ZNF780B: variants seen among roughly 807,000 people sequenced by gnomAD.
ZNF780B encodes zinc finger protein 780B.
In ZNF780B, 52 loss-of-function variants were observed where a neutral mutation model predicts 74.1. The observed-to-expected ratio is 0.70, with a 90% CI of 0.56 to 0.88. The LOEUF (loss-of-function observed/expected upper bound fraction) is 0.88, where lower values mean the gene tolerates loss of function less well. ZNF780B is among the 40% of genes least tolerant of loss of function. The pLI is 0.00. For missense variants in ZNF780B, 953 were observed against 1,007.6 expected (o/e 0.95, Z 0.73); for synonymous variants, 315 against 324.3 (o/e 0.97, Z 0.31).
In ZNF780B at chr19:40,048,708, T is replaced by G; in HGVS notation, c.98A>C (p.Asp33Ala). 7 of 1,614,138 alleles carry G rather than the reference T, an allele frequency of 4.3e-6. No homozygotes were observed. Among genetic ancestry groups the G allele is most frequent in the Non-Finnish European group, 5.9e-6 (7 of 1,180,028 alleles). The change falls in exon 3 of 5, where the codon GAT becomes GCT. Residue 33 changes from aspartate (D) to alanine (A), a missense_variant. Physicochemically the swap from Asp to Ala is moderately radical, Grantham distance 126. Coordinates refer to ENST00000434248, the MANE Select transcript of ZNF780B (RefSeq NM_001005851.3). ...GTGGCTGTAGTTCTCCAACATCACA[T>G]CCCTGTACAAGGTCCTCTGATCAGG... is the stretch of plus-strand genomic sequence containing the variant. ...LQPDQRTLYR[D>A]VMLENYSHLI...
rs1231315691 is a variant in ZNF780B, at chr19:40,032,395, C to G, written c.*1962G>C. ...TAAAGAGAGATAACCAAATGCAATG[C>G]AGAATCTGCAATGGACTCTCCTTAG... is the stretch of plus-strand genomic sequence containing the variant. On this transcript the variant is annotated 3_prime_UTR_variant, in exon 5 of 5. Coordinates refer to ENST00000434248, the MANE Select transcript of ZNF780B (RefSeq NM_001005851.3). The G allele has an allele frequency of 2.5e-6, 1 of 395,394 alleles. No homozygotes were observed. Among genetic ancestry groups the G allele is most frequent in the African/African-American group, 2.1e-5 (1 of 47,448 alleles). 24.5% of individuals were successfully genotyped at this position (395,394 alleles called of 1,614,324 possible).
chr19:40,044,633 T>C (rs1336420291), intron 4 of ZNF780B, among the ~76,000 whole-genome samples: 1 of 152,158 alleles, frequency 6.6e-6, no homozygotes, highest in African/African-American at 2.4e-5. Flanking sequence ...GTCCTACACC[T>C]AGAAGTGAAA....
Position 40,034,847 on chromosome 19 carries a change from C to A in ZNF780B, c.2012G>T (p.Cys671Phe). The change falls in exon 5 of 5, where the codon TGT becomes TTT. Residue 671 changes from cysteine (C) to phenylalanine (F), a missense_variant. Cys to Phe is a radical substitution (Grantham distance 205, BLOSUM62 -2). Transcript: ENST00000434248. ...ACTAAAGCCTTTCCCACACTCCTTA[C>A]ATTCATATGGTTTTACACCAGCATG... is the stretch of plus-strand genomic sequence containing the variant. The part of the protein sequence containing the change: ...SIHAGVKPYE[C>F]KECGKGFSRV... The A allele has an allele frequency of 1.2e-6, 2 of 1,614,122 alleles. No individual in the cohort carries two copies. The highest frequency in any genetic ancestry group is 1.7e-6 in the Non-Finnish European group (2 of 1,179,988).
At chr19:40,050,473 T>C (rs1403973132) in intron 1 of ZNF780B, 96 bp from the exon 2 acceptor site, 1 of 1,232,330 alleles carries the variant, frequency 8.1e-7, no homozygotes, top group African/African-American at 1.5e-5. Flanking sequence ...ATTTCTCAAC[T>C]ACTCCTGCTC....
intron 3 of ZNF780B, 75 bp downstream of exon 3, chr19:40,048,595 G>A (rs1364025780): frequency 1.9e-6 from 3 of 1,606,656 alleles, no homozygotes; most frequent in African/African-American, 2.7e-5. Flanking sequence ...TTAAAAGACA[G>A]CCCTGAAACT....
chr19:40,044,261 G>A (rs576681039), intron 4 of ZNF780B, among the ~76,000 whole-genome samples: 1 of 152,194 alleles, frequency 6.6e-6, no homozygotes, highest in East Asian at 1.9e-4. Context: ...AAGAGATGCA[G>A]ACATCTTGAT....
chr19:40,031,115 T>C lies in ZNF780B; in HGVS notation c.*3242A>G, dbSNP rs1971983571. ...AAAAGAAGAAAGCTATCAATATAAA[T>C]TATCACTTTATAGATTTTTCAACAC... is the stretch of plus-strand genomic sequence containing the variant. On this transcript the variant is annotated 3_prime_UTR_variant, in exon 5 of 5. Transcript: ENST00000434248. 1 of 152,216 alleles carries C rather than the reference T, an allele frequency of 6.6e-6. No individual in the cohort carries two copies. Among genetic ancestry groups the C allele is most frequent in the Non-Finnish European group, 1.5e-5 (1 of 68,032 alleles). The allele number at this position is 152,216 out of a possible 1,614,324, so 9.4% of individuals were successfully genotyped here. A position where few individuals can be genotyped will look rare whatever the true frequency, so the allele number is the denominator to read the frequency against.
chr19:40,035,826 G>C lies in ZNF780B; in HGVS notation c.1033C>G (p.Leu345Val). 6.2e-7 allele frequency: 1 copy of C among 1,614,048 alleles called. No homozygotes were observed. ...CKECRKAFTL[L>V]TKLVRHQKIH... ...TTCTGATGTCGAACAAGCTTTGTCA[G>C]AAGAGTAAAGGCCTTTCTGCATTCT... The change falls in exon 5 of 5, where the codon CTG (leucine) becomes GTG (valine). Residue 345 changes from leucine to valine, a missense_variant. Physicochemically the swap from Leu to Val is conservative, Grantham distance 32. Coordinates refer to ENST00000434248, the MANE Select transcript of ZNF780B (RefSeq NM_001005851.3).
chr19:40,047,137 T>C, intron 4 of ZNF780B: 1 of 426,418 alleles, frequency 2.3e-6, no homozygotes, highest in Non-Finnish European at 4.3e-6. Context: ...GCTCACTTCA[T>C]TAAAAGAGGA....
chr19:40,037,297 T>C (rs971463749), intron 4 of ZNF780B, among the ~76,000 whole-genome samples: 1 of 151,866 alleles, frequency 6.6e-6, no homozygotes, highest in Non-Finnish European at 1.5e-5. Flanking sequence ...CACAGCTCAC[T>C]GCAGCCTCAA....
rs371975083 is a variant in ZNF780B at position 40,034,940 on chromosome 19, G to C, written c.1919C>G (p.Pro640Arg). Residue 640 changes from proline (P) to arginine (R), a missense_variant, in exon 5 of 5, where the codon CCA becomes CGA. By Grantham distance (103) the Pro-to-Arg change is moderately radical (BLOSUM62 -2). Coordinates refer to ENST00000434248, the MANE Select transcript of ZNF780B (RefSeq NM_001005851.3). ...HHKNIHTGEK[P>R]FKCKECGKSF... ...CTTCCCACATTCTTTACATTTAAAT[G>C]GCTTCTCACCTGTGTGAATGTTCTT... The C allele has an allele frequency of 1.2e-6, 2 of 1,613,922 alleles. No homozygotes were observed. Among genetic ancestry groups the C allele is most frequent in the African/African-American group, 2.7e-5 (2 of 74,878 alleles).
In ZNF780B at chr19:40,039,711, G is replaced by C. The variant is rs998493557; in HGVS notation, c.233-3085C>G. Reference sequence around the variant, plus strand: ...TTCACTCATAATTTGGCTCTCTGTTGGTCTGTTATTGGTGTATAAGAATGC... The same window carrying C: ...TTCACTCATAATTTGGCTCTCTGTTCGTCTGTTATTGGTGTATAAGAATGC... On this transcript the variant is annotated intron_variant, in intron 4 of 4. Coordinates refer to ENST00000434248, the MANE Select transcript of ZNF780B (RefSeq NM_001005851.3). 2.0e-5 allele frequency among the ~76,000 whole-genome samples: 3 copies of C among 152,084 alleles called. No homozygotes were observed. In the East Asian group the frequency reaches 5.8e-4, roughly 29 times the overall value.
intron 1 of ZNF780B, among the ~76,000 whole-genome samples, chr19:40,052,479 A>G (rs1973277742): frequency 6.6e-6 from 1 of 152,196 alleles, no homozygotes. Flanking sequence ...TAGTACTTCA[A>G]TACATTATTT....
chr19:40,029,478 T>C lies in ZNF780B; in HGVS notation c.*4879A>G, dbSNP rs1033307003. On this transcript the variant is annotated 3_prime_UTR_variant, in exon 5 of 5. Transcript: ENST00000434248. The stretch of plus-strand genomic sequence containing the variant: ...GCTATCACCATACATAAAACATAAT[T>C]CAATAAAATACCAAATGCAAACAAG... 6.5e-6 allele frequency: 1 copy of C among 154,750 alleles called. No individual in the cohort carries two copies. Among genetic ancestry groups the C allele is most frequent in the Non-Finnish European group, 1.5e-5 (1 of 68,202 alleles). The allele number at this position is 154,750 out of a possible 1,614,324, so 9.6% of individuals were successfully genotyped here. A position where few individuals can be genotyped will look rare whatever the true frequency, so the allele number is the denominator to read the frequency against.
intron 1 of ZNF780B, among the ~76,000 whole-genome samples, chr19:40,052,439 C>G (rs985869206): frequency 1.3e-5 from 2 of 152,116 alleles, no homozygotes; most frequent in African/African-American, 4.8e-5. Context: ...TACTATTTCT[C>G]CCTCTAAAAC....
chr19:40,040,858 C>T (rs955849486), intron 4 of ZNF780B, among the ~76,000 whole-genome samples: 1 of 152,150 alleles, frequency 6.6e-6, no homozygotes, highest in Admixed American at 6.5e-5. Context: ...TTTCAAAAGA[C>T]CAGCTCCTGG....
chr19:40,034,054 A>T lies in ZNF780B; in HGVS notation c.*303T>A. Reference sequence around the variant, plus strand: ...AGTACGGATTCTCAGATGTACAGTAAGATCATAATTACTGCTAAAGGCCTT... The same window carrying T: ...AGTACGGATTCTCAGATGTACAGTATGATCATAATTACTGCTAAAGGCCTT... On this transcript the variant is annotated 3_prime_UTR_variant, in exon 5 of 5. Transcript: ENST00000434248. 2.4e-6 allele frequency: 1 copy of T among 419,410 alleles called. No individual in the cohort carries two copies. Among genetic ancestry groups the T allele is most frequent in the Non-Finnish European group, 4.5e-6 (1 of 223,766 alleles). The allele number at this position is 419,410 out of a possible 1,614,324, so 26.0% of individuals were successfully genotyped here.
chr19:40,037,747 T>C lies in ZNF780B; in HGVS notation c.233-1121A>G, dbSNP rs535300935. Reference sequence around the variant, plus strand: ...GGGCACTGTCCTCCTTTGTGGCTGATCTCTAACCACTCCCTCCTTTTAGCA... The same window carrying C: ...GGGCACTGTCCTCCTTTGTGGCTGACCTCTAACCACTCCCTCCTTTTAGCA... On this transcript the variant is annotated intron_variant, in intron 4 of 4. Coordinates refer to ENST00000434248, the MANE Select transcript of ZNF780B (RefSeq NM_001005851.3). 1.3e-4 allele frequency among the ~76,000 whole-genome samples: 20 copies of C among 152,278 alleles called. No homozygotes were observed. In the South Asian group the frequency reaches 3.7e-3, roughly 28 times the overall value.
rs138647152 is a variant in ZNF780B, at chr19:40,035,683, T to A, written c.1176A>T (p.Lys392Asn). 1.6e-5 allele frequency: 26 copies of A among 1,613,796 alleles called. No homozygotes were observed. In the East Asian group the frequency reaches 5.8e-4, roughly 36 times the overall value. The change falls in exon 5 of 5, where the codon AAA becomes AAT. Residue 392 changes from lysine (K) to asparagine (N), a missense_variant. Coordinates refer to ENST00000434248, the MANE Select transcript of ZNF780B (RefSeq NM_001005851.3). ...TACGATTAAAGGACTTCCCACATTC[T>A]TTACATTCAAATGGTTTTTCACCTG... ...IHTGEKPFEC[K>N]ECGKSFNRSS...
Sources: gnomAD v4.1 joint callset for allele counts (sites outside exome capture counted in the v4.1 genomes callset) on GRCh38, gnomAD v4.1.1 for gene constraint, MANE v1.5 for transcripts, NCBI Gene and HGNC (gene_info 2026-07-23, HGNC 2026-07-21) for gene names.